FRMPD4: variants seen among roughly 807,000 people sequenced by gnomAD.
FRMPD4 encodes the protein FERM and PDZ domain containing 4, also known as FERM and PDZ domain-containing protein 4.
Under a neutral mutation model 94.1 loss-of-function variants are expected in FRMPD4, and 22 were observed. The observed-to-expected ratio is 0.23, with a 90% CI of 0.17 to 0.33. The LOEUF (loss-of-function observed/expected upper bound fraction) is 0.33. Among genes scored for constraint, FRMPD4 ranks in the 10% least tolerant of loss-of-function variants. The pLI is 1.00. For synonymous variants in FRMPD4, 631 were observed against 548.6 expected (o/e 1.15, Z -2.10); for missense variants, 1,111 against 1,339.9 (o/e 0.83, Z 2.67).
At chrX:12,286,807 GA>G (rs374453196) in intron 1 of FRMPD4, among the ~76,000 whole-genome samples, 6,927 of 107,610 alleles carry the variant, frequency 0.064, 231 homozygotes, top group Middle Eastern at 0.11. Context: ...TCTAAAGAAT[GA>G]AAAAAAAATG....
chrX:11,864,587 C>A (rs192613069), intron 1 of FRMPD4, among the ~76,000 whole-genome samples: 19 of 111,865 alleles, frequency 1.7e-4, no homozygotes, highest in African/African-American at 5.5e-4. Flanking sequence ...TGCCTCTTGA[C>A]TTTATATGCA....
intron 2 of FRMPD4, among the ~76,000 whole-genome samples, chrX:11,867,388 T>C (rs1054413724): frequency 3.6e-5 from 4 of 111,676 alleles, no homozygotes; most frequent in Non-Finnish European, 7.5e-5. Context: ...TTCACTTAGT[T>C]ACAGCTAGAT....
Position 12,609,860 on chromosome X carries a change from G to A in FRMPD4, c.298G>A (p.Val100Ile). Residue 100 changes from valine (V) to isoleucine (I), a missense_variant, in exon 3 of 17, where the codon GTC becomes ATC. Around this residue, in one of 8 missense-constraint regions of FRMPD4, gnomAD observed 140 missense variants for 165.9 expected, o/e 0.84. Coordinates refer to ENST00000675598, the MANE Select transcript of FRMPD4 (RefSeq NM_001368397.1). The part of the protein sequence containing the change: ...GFVAGSEKPV[V>I]VRSVTPGGPS... ...TGTGGCAGGCAGTGAAAAGCCAGTG[G>A]TCGTTCGCTCAGTAACACCAGGTAA... is the stretch of plus-strand genomic sequence containing the variant. The A allele has an allele frequency of 8.3e-7, 1 of 1,211,177 alleles. No individual in the cohort carries two copies. The highest frequency in any genetic ancestry group is 1.8e-5 in the South Asian group (1 of 56,928).
intron 3 of FRMPD4, among the ~76,000 whole-genome samples, chrX:12,087,021 C>T (rs1337818236): frequency 8.9e-6 from 1 of 111,748 alleles, no homozygotes; most frequent in Non-Finnish European, 1.9e-5. Context: ...GACAGAGGCC[C>T]TCTCACAAGA....
At chrX:11,866,539 A>G (rs771914954) in intron 2 of FRMPD4, among the ~76,000 whole-genome samples, 1 of 112,107 alleles carries the variant, frequency 8.9e-6, no homozygotes, top group African/African-American at 3.2e-5. Flanking sequence ...ACTTGTTCAC[A>G]TATCACCTCG....
intron 4 of FRMPD4, among the ~76,000 whole-genome samples, chrX:12,665,758 A>G (rs1044947173): frequency 1.8e-5 from 2 of 112,106 alleles, no homozygotes; most frequent in African/African-American, 6.5e-5. Context: ...CCTGCCTTAC[A>G]AGAGCTCCTG....
chrX:12,509,096 T>C (rs1180220734), intron 2 of FRMPD4, among the ~76,000 whole-genome samples: 1 of 108,716 alleles, frequency 9.2e-6, no homozygotes, highest in African/African-American at 3.4e-5. Flanking sequence ...TAGATATTGA[T>C]GTGGATGCAG....
At chrX:12,100,534 TA>T (rs974097834) in intron 3 of FRMPD4, among the ~76,000 whole-genome samples, 18 of 101,958 alleles carry the variant, frequency 1.8e-4, no homozygotes, top group South Asian at 8.6e-4. Flanking sequence ...AACATCTAAA[TA>T]AAAAAAAAAA....
At chrX:12,653,404 A>G (rs1194092807) in intron 4 of FRMPD4, among the ~76,000 whole-genome samples, 6 of 112,521 alleles carry the variant, frequency 5.3e-5, no homozygotes, top group Non-Finnish European at 1.1e-4. Flanking sequence ...AAGAACCAGT[A>G]GCAATCATTT....
At chrX:12,187,959 G>A (rs1244590592) in intron 1 of FRMPD4, among the ~76,000 whole-genome samples, 1 of 111,682 alleles carries the variant, frequency 9.0e-6, no homozygotes, top group African/African-American at 3.3e-5. Context: ...CCCTTAGTGT[G>A]AACACCCCAA....
intron 3 of FRMPD4, among the ~76,000 whole-genome samples, chrX:11,923,981 A>G (rs1385717504): frequency 8.9e-6 from 1 of 112,090 alleles, no homozygotes; most frequent in Admixed American, 9.5e-5. Context: ...AGGAATTAAG[A>G]TCATCAGCTA....
intron 3 of FRMPD4, among the ~76,000 whole-genome samples, chrX:12,082,083 CTT>C (rs1193476893): frequency 9.0e-6 from 1 of 111,316 alleles, no homozygotes; most frequent in East Asian, 2.8e-4. Context: ...TTTATTGTGT[CTT>C]TGAAAATGTC....
chrX:12,506,813 T>C (rs1355555575), intron 2 of FRMPD4, among the ~76,000 whole-genome samples: 2 of 112,531 alleles, frequency 1.8e-5, no homozygotes, highest in Non-Finnish European at 3.8e-5. Context: ...TCAATTGTTT[T>C]GATTGTACTT....
intron 3 of FRMPD4, among the ~76,000 whole-genome samples, chrX:11,902,766 G>A (rs1173707841): frequency 1.8e-5 from 2 of 111,018 alleles, no homozygotes; most frequent in Non-Finnish European, 3.8e-5. Context: ...TGGAAATGGT[G>A]GGGGCCTCTT....
chrX:12,103,520 T>A (rs2055271860), intron 3 of FRMPD4, among the ~76,000 whole-genome samples: 1 of 111,537 alleles, frequency 9.0e-6, no homozygotes, highest in African/African-American at 3.3e-5. Flanking sequence ...ACTACTCAAC[T>A]CTGCCATTGT....
chrX:12,218,785 G>A lies in FRMPD4; in HGVS notation c.41+79773G>A, dbSNP rs1286099011. On this transcript the variant is annotated intron_variant, in intron 1 of 16. Coordinates refer to ENST00000675598, the MANE Select transcript of FRMPD4 (RefSeq NM_001368397.1). The stretch of plus-strand genomic sequence containing the variant: ...AAAGTTCTGTGGGGCACCCTTAGGG[G>A]CCATTGCAGTTGGGGGCCTGTGAAT... 7.1e-5 allele frequency among the ~76,000 whole-genome samples: 8 copies of A among 112,306 alleles called. No homozygotes were observed. The East Asian group carries it at 2.0e-3, about 28-fold the overall frequency.
At chrX:11,951,059 C>CAAAAAAAAAAAAAAAAA (rs35673540) in intron 3 of FRMPD4, among the ~76,000 whole-genome samples, 1 of 32,344 alleles carries the variant, frequency 3.1e-5, no homozygotes, top group Admixed American at 4.4e-4. Context: ...AACTCCATCT[C>CAAAAAAAAAAAAAAAAA]AAAAAAAAAA....
intron 1 of FRMPD4, among the ~76,000 whole-genome samples, chrX:12,340,591 G>A (rs903650574): frequency 1.8e-5 from 2 of 111,373 alleles, no homozygotes; most frequent in Non-Finnish European, 3.8e-5. Context: ...TTGTGAGGTC[G>A]GCCACTGTCC....
At chrX:12,496,964 T>C (rs754143261) in intron 1 of FRMPD4, among the ~76,000 whole-genome samples, 1 of 111,634 alleles carries the variant, frequency 9.0e-6, no homozygotes, top group Admixed American at 9.5e-5. Context: ...TCAGCCTTCC[T>C]CCAACTCGTT....
Sources: gnomAD v4.1 joint callset for allele counts (sites outside exome capture counted in the v4.1 genomes callset) on GRCh38, gnomAD v4.1.1 for gene constraint, gnomAD v4.1.1 regional missense constraint, MANE v1.5 for transcripts, NCBI Gene and HGNC (gene_info 2026-07-23, HGNC 2026-07-21) for gene names.